The following CD99L2 variants were observed in gnomAD, a reference collection of about 807,000 sequenced individuals.
CD99L2 encodes the protein CD99 molecule like 2.
A neutral mutation model predicts 27.3 loss-of-function variants in CD99L2; 24 were observed. The ratio of observed to expected loss-of-function variants is 0.88; its 90% confidence interval spans 0.64 to 1.24. The LOEUF (loss-of-function observed/expected upper bound fraction) is 1.24. Ranked by LOEUF, CD99L2 falls within the 50% of genes most tolerant of loss-of-function variation. The pLI, the probability that CD99L2 is intolerant of heterozygous loss-of-function variation, is 0.00. For missense variants in CD99L2, 255 were observed against 221.6 expected, an observed-to-expected ratio of 1.15 and a Z score of -0.96; for synonymous variants, 97 against 87.9, an observed-to-expected ratio of 1.10 and a Z score of -0.58.
chrX:150,872,048 T>G (rs2047165207), intron 1 of CD99L2, among the ~76,000 whole-genome samples: 1 of 110,639 alleles, frequency 9.0e-6, no homozygotes, highest in Admixed American at 9.7e-5. Context: ...CTGGGCAATG[T>G]AGGGAGACCC....
Position 150,867,664 on chromosome X carries a change from C to T in CD99L2, c.67+30858G>A, listed in dbSNP as rs1196206368. On this transcript the variant is annotated intron_variant, in intron 1 of 10. Coordinates refer to ENST00000370377, the MANE Select transcript of CD99L2 (RefSeq NM_031462.4). ...ATCCCAGCACTTTGGGAGGCCGAGA[C>T]GGGGGGATCACAAGGTCAGGAGATC... Among the ~76,000 whole-genome samples, 4 of 110,018 alleles carry T rather than the reference C, an allele frequency of 3.6e-5. No homozygotes were observed. In the East Asian group the frequency reaches 8.7e-4, roughly 24 times the overall value.
chrX:150,831,154 G>A, intron 2 of CD99L2, 77 bp downstream of exon 2: 1 of 789,984 alleles, frequency 1.3e-6, no homozygotes, highest in Admixed American at 2.8e-5. Flanking sequence ...CATTTTTCTT[G>A]CGCATATATT....
chrX:150,830,345 G>A (rs958513048), intron 2 of CD99L2, among the ~76,000 whole-genome samples: 5 of 110,775 alleles, frequency 4.5e-5, no homozygotes, highest in Non-Finnish European at 7.5e-5. Context: ...AAGGCCACGA[G>A]TTCAAGACCA....
intron 1 of CD99L2, among the ~76,000 whole-genome samples, chrX:150,890,789 C>T (rs1251823462): frequency 1.8e-5 from 2 of 113,030 alleles, no homozygotes; most frequent in South Asian, 3.6e-4. Context: ...AGGCTGCATC[C>T]TGCTTCAAGT....
chrX:150,786,983 T>G (rs1310110057), intron 7 of CD99L2, among the ~76,000 whole-genome samples: 1 of 112,504 alleles, frequency 8.9e-6, no homozygotes, highest in Non-Finnish European at 1.9e-5. Flanking sequence ...AAGCTTTTTT[T>G]CATATGCTTG....
rs200189117 is a variant in CD99L2 at position 150,887,449 on chromosome X, GAAATAAATAAATAAAT to G, written c.67+11057_67+11072del. Among the ~76,000 whole-genome samples the G allele has an allele frequency of 9.2e-5, 9 of 98,339 alleles. No individual in the cohort carries two copies. In the South Asian group the frequency reaches 1.5e-3, roughly 16 times the overall value. 85.4% of individuals were successfully genotyped at this position (98,339 alleles called of 115,157 possible). ...TGACAAGAGCAAAACTCCGTCTCCA[GAAATAAATAAATAAAT>G]AAATAAATAAATAAATAAATAAAAT... On this transcript the variant is annotated intron_variant, in intron 1 of 10. Coordinates refer to ENST00000370377, the MANE Select transcript of CD99L2 (RefSeq NM_031462.4).
intron 1 of CD99L2, among the ~76,000 whole-genome samples, chrX:150,831,973 T>C (rs186271666): frequency 4.2e-4 from 47 of 112,155 alleles, no homozygotes; most frequent in African/African-American, 1.4e-3. Flanking sequence ...AATACCTTAC[T>C]TTCAACATTG....
intron 4 of CD99L2, among the ~76,000 whole-genome samples, chrX:150,810,140 A>G (rs1557420328): frequency 8.9e-6 from 1 of 112,010 alleles, no homozygotes; most frequent in Non-Finnish European, 1.9e-5. Context: ...ATTCCACCCA[A>G]CAACAGCAGA....
intron 1 of CD99L2, among the ~76,000 whole-genome samples, chrX:150,880,518 A>C (rs2047309332): frequency 8.9e-6 from 1 of 112,072 alleles, no homozygotes; most frequent in Non-Finnish European, 1.9e-5. Flanking sequence ...GGCTGAAAGC[A>C]GATTAGTAGC....
chrX:150,860,218 A>G (rs1188533004), intron 1 of CD99L2, among the ~76,000 whole-genome samples: 1 of 112,677 alleles, frequency 8.9e-6, no homozygotes, highest in African/African-American at 3.2e-5. Context: ...ATGAAGAACA[A>G]AAACCACACG....
intron 7 of CD99L2, among the ~76,000 whole-genome samples, chrX:150,791,345 T>C (rs2045684769): frequency 8.9e-6 from 1 of 111,772 alleles, no homozygotes; most frequent in Admixed American, 9.5e-5. Context: ...TACCATTCTC[T>C]TTCCCAGTGA....
At chrX:150,784,560 G>A (rs1273931066) in intron 7 of CD99L2, among the ~76,000 whole-genome samples, 1 of 112,219 alleles carries the variant, frequency 8.9e-6, no homozygotes, top group Non-Finnish European at 1.9e-5. Context: ...CCCAGCTAGC[G>A]ATGTGGTGGG....
chrX:150,884,763 C>T (rs2047382248), intron 1 of CD99L2, among the ~76,000 whole-genome samples: 1 of 111,987 alleles, frequency 8.9e-6, no homozygotes, highest in Non-Finnish European at 1.9e-5. Flanking sequence ...CCACAAGGGT[C>T]CTCAGAGCAC....
intron 1 of CD99L2, among the ~76,000 whole-genome samples, chrX:150,889,154 T>C (rs2047460754): frequency 8.9e-6 from 1 of 112,736 alleles, no homozygotes; most frequent in African/African-American, 3.2e-5. Context: ...TTAATCTCCT[T>C]GAGGGCAGGT....
chrX:150,785,473 A>G, intron 7 of CD99L2, among the ~76,000 whole-genome samples: 2 of 111,577 alleles, frequency 1.8e-5, no homozygotes, highest in Middle Eastern at 9.3e-3. Context: ...GTTACCTAGC[A>G]TTTTACATTT....
chrX:150,824,425 GAGAAGA>G (rs781905071), intron 2 of CD99L2, among the ~76,000 whole-genome samples: 3 of 88,693 alleles, frequency 3.4e-5, no homozygotes, highest in Admixed American at 1.3e-4. Flanking sequence ...AAGAAGAAAA[GAGAAGA>G]AGAAGAAAGA....
chrX:150,793,787 C>A (rs782050961), intron 6 of CD99L2, 31 bp from the exon 7 acceptor site: 3 of 1,106,512 alleles, frequency 2.7e-6, no homozygotes, highest in Admixed American at 5.5e-5. Flanking sequence ...ATTTCAACAA[C>A]AAGAAAAAAA....
Position 150,795,468 on chromosome X carries a change from G to T in CD99L2, c.296C>A (p.Thr99Asn). The T allele has an allele frequency of 2.5e-6, 3 of 1,211,110 alleles. No homozygotes were observed. Among genetic ancestry groups the T allele is most frequent in the Non-Finnish European group, 3.4e-6 (3 of 895,309 alleles). Residue 99 changes from threonine to asparagine, a missense_variant, in exon 5 of 11, where the codon ACC becomes AAC. Coordinates refer to ENST00000370377, the MANE Select transcript of CD99L2 (RefSeq NM_031462.4). ...IGGRERWNHV[T>N]TTTKRPVTTR... ...GGTTACTGGCCTCTTGGTCGTGGTG[G>T]TTACATGGTTCCATCTCTCTAAAAG...
intron 4 of CD99L2, among the ~76,000 whole-genome samples, chrX:150,806,264 C>T (rs782726570): frequency 1.3e-4 from 14 of 111,945 alleles, no homozygotes; most frequent in Admixed American, 9.5e-4. Context: ...AAGGTAATTT[C>T]GTGTTTTTTG....
Sources: gnomAD v4.1 joint callset for allele counts (sites outside exome capture counted in the v4.1 genomes callset) on GRCh38, gnomAD v4.1.1 for gene constraint, MANE v1.5 for transcripts, NCBI Gene and HGNC (gene_info 2026-07-23, HGNC 2026-07-21) for gene names.